Variants in MUSTN1 observed in about 807,000 individuals in gnomAD.
The protein encoded by MUSTN1 is musculoskeletal embryonic nuclear protein 1.
In MUSTN1, 14 loss-of-function variants were observed where a neutral mutation model predicts 11.8. That is an observed-to-expected ratio of 1.18 (90% CI 0.78 to 1.85). The LOEUF is 1.85. Among genes scored for constraint, MUSTN1 ranks in the 40% most tolerant of loss-of-function variants. The probability of loss-of-function intolerance (pLI) is 0.00; values close to 1 mark genes in which losing one functional copy is unlikely to be tolerated. For synonymous variants in MUSTN1, 42 were observed against 43.3 expected (o/e 0.97, Z 0.12); for missense variants, 111 against 108.8 (o/e 1.02, Z -0.09).
Position 52,833,641 on chromosome 3 carries a change from TCTTGGAC to T in MUSTN1, c.111_117del (p.Ser38ProfsTer?). 1 of 1,610,026 alleles carries T rather than the reference TCTTGGAC, an allele frequency of 6.2e-7. No homozygotes were observed. Among genetic ancestry groups the T allele is most frequent in the Non-Finnish European group, 8.5e-7 (1 of 1,178,242 alleles). On this transcript the variant is annotated frameshift_variant, in exon 2 of 3. Transcript: ENST00000446157. LOFTEE classifies it high-confidence loss of function. The stretch of plus-strand genomic sequence containing the variant: ...CCACACTCTCGCATGACCTGGTAGG[TCTTGGAC>T]TTGATTTCCTGGTTCTTGGTCAGGT...
Sources: allele counts gnomAD v4.1 joint callset, GRCh38; gene constraint gnomAD v4.1.1; transcripts MANE v1.5; gene names NCBI Gene and HGNC (gene_info 2026-07-23, HGNC 2026-07-21).